PSMD12: variants seen among roughly 807,000 people sequenced by gnomAD.
PSMD12 encodes 26S proteasome non-ATPase regulatory subunit 12.
A neutral mutation model predicts 62.9 loss-of-function variants in PSMD12; 8 were observed. The ratio of observed to expected loss-of-function variants is 0.13; its 90% CI spans 0.07 to 0.23. The LOEUF is 0.23. Among genes scored for constraint, PSMD12 ranks in the 10% least tolerant of loss-of-function variants. PSMD12 has a pLI of 1.00. For missense variants in PSMD12, 424 were observed against 550.2 expected, an observed-to-expected ratio of 0.77 and a Z score of 2.29; for synonymous variants, 173 against 187.4, an observed-to-expected ratio of 0.92 and a Z score of 0.63.
intron 1 of PSMD12, among the ~76,000 whole-genome samples, chr17:67,360,115 G>A (rs904457667): frequency 3.9e-5 from 6 of 151,952 alleles, no homozygotes; most frequent in Non-Finnish European, 8.8e-5. Flanking sequence ...CTCACCTTTC[G>A]CTTTGATCAA....
chr17:67,353,109 C>T (rs1331804435), intron 3 of PSMD12, among the ~76,000 whole-genome samples: 1 of 152,062 alleles, frequency 6.6e-6, no homozygotes, highest in African/African-American at 2.4e-5. Context: ...AATACGCTAA[C>T]AATGCAATGG....
intron 9 of PSMD12, chr17:67,342,518 T>C (rs887214379): frequency 7.4e-6 from 2 of 270,578 alleles, no homozygotes; most frequent in East Asian, 1.4e-4. Flanking sequence ...AGTCAAAATA[T>C]ATGCCTGTCT....
Position 67,362,581 on chromosome 17 carries a change from G to A in PSMD12, c.108+3831C>T, listed in dbSNP as rs147890688. Among the ~76,000 whole-genome samples, 221 of 149,236 alleles carry A rather than the reference G, an allele frequency of 1.5e-3. 1 individual carries two copies. Among genetic ancestry groups the A allele is most frequent in the African/African-American group, 5.2e-3 (210 of 40,402 alleles). Reference sequence around the variant, plus strand: ...GGACGCCGAGGCAGGAGAATTCCTTGAACCCGGGAGATGGAGGTTGCAGTG... The same window carrying A: ...GGACGCCGAGGCAGGAGAATTCCTTAAACCCGGGAGATGGAGGTTGCAGTG... On this transcript the variant is annotated intron_variant, in intron 1 of 10. Coordinates refer to ENST00000356126, the MANE Select transcript of PSMD12 (RefSeq NM_002816.5).
Position 67,339,737 on chromosome 17 carries a change from G to GT in PSMD12, c.*1105dup, listed in dbSNP as rs1353415041. On this transcript the variant is annotated 3_prime_UTR_variant, in exon 11 of 11. Coordinates refer to ENST00000356126, the MANE Select transcript of PSMD12 (RefSeq NM_002816.5). ...TCATTTTAAATAACCTTCTAACATTGTTTTTTCTATTTTCTCTGAAATAAA... is the reference window on the plus strand; with the variant it reads ...TCATTTTAAATAACCTTCTAACATTGTTTTTTTCTATTTTCTCTGAAATAAA... 6.6e-6 allele frequency: 1 copy of GT among 151,816 alleles called. No individual in the cohort carries two copies. Among genetic ancestry groups the GT allele is most frequent in the East Asian group, 1.9e-4 (1 of 5,190 alleles). 9.4% of individuals were successfully genotyped at this position (151,816 alleles called of 1,614,324 possible).
Position 67,347,339 on chromosome 17 carries a change from T to C in PSMD12, c.657A>G (p.Thr219=). 6.2e-7 allele frequency: 1 copy of C among 1,613,794 alleles called. No individual in the cohort carries two copies. The highest frequency in any genetic ancestry group is 8.5e-7 in the Non-Finnish European group (1 of 1,179,898). Residue 219 remains threonine, a synonymous_variant, in exon 6 of 11, where the codon ACA becomes ACG. Transcript: ENST00000356126. ...ATGTGGTCACAGATATGCTCACCTC[T>C]GTATTTTCTTCCTGGAAAAATTTGG... ...INTKFFQEEN[T]EKLKLKYYNL...
chr17:67,362,572 G>C (rs57672368), intron 1 of PSMD12, among the ~76,000 whole-genome samples: 36,515 of 146,190 alleles, frequency 0.25, 4,603 homozygotes, highest in Middle Eastern at 0.32. Context: ...CGAGGCAGGA[G>C]AATTCCTTGA....
At chr17:67,353,500 T>TGC (rs1381784884) in intron 3 of PSMD12, among the ~76,000 whole-genome samples, 1 of 151,930 alleles carries the variant, frequency 6.6e-6, no homozygotes, top group Non-Finnish European at 1.5e-5. Context: ...AGGGACAGGG[T>TGC]TTCGCCATGT....
rs142534602 is a variant in PSMD12 at position 67,349,467 on chromosome 17, C to T, written c.405+762G>A. 3.1e-3 allele frequency among the ~76,000 whole-genome samples: 467 copies of T among 152,234 alleles called. 2 individuals carry two copies. Among genetic ancestry groups the T allele is most frequent in the Non-Finnish European group, 5.1e-3 (349 of 68,022 alleles). ...GAAAATGTCTCTATAAAACCTTATC[C>T]ATATTTTGTAACTCTGCTTTGAGAA... On this transcript the variant is annotated intron_variant, in intron 4 of 10. Transcript: ENST00000356126.
At chr17:67,348,209 C>G (rs888505898) in intron 5 of PSMD12, among the ~76,000 whole-genome samples, 2 of 152,170 alleles carry the variant, frequency 1.3e-5, no homozygotes, top group African/African-American at 4.8e-5. Flanking sequence ...AAACTGTTTT[C>G]CAGACTGGCT....
chr17:67,356,583 A>G (rs1273910039), intron 3 of PSMD12, among the ~76,000 whole-genome samples: 25 of 147,200 alleles, frequency 1.7e-4, no homozygotes, highest in African/African-American at 6.2e-4. Flanking sequence ...AAAAAAAAAA[A>G]AAAGAAAATG....
At chr17:67,342,067 C>T in intron 10 of PSMD12, 119 bp downstream of exon 10, 1 of 764,374 alleles carries the variant, frequency 1.3e-6, no homozygotes, top group East Asian at 2.6e-5. Context: ...GCTTGGGAAA[C>T]TATTACTCTA....
rs150333782 is a variant in PSMD12, at chr17:67,357,316, C to T, written c.284G>A (p.Ser95Asn). ...ENIMLLSKRRSQLKQAVAKMV... is the reference protein window; with the variant it reads ...ENIMLLSKRRNQLKQAVAKMV... ...TCATGAACTCACTTGTTTTAACTGA[C>T]TCCGCCTTTTGGACAAAAGCATAAT... is the stretch of plus-strand genomic sequence containing the variant. Residue 95 changes from serine (S) to asparagine (N), a missense_variant, in exon 3 of 11, where the codon AGT becomes AAT. By Grantham distance (46) the Ser-to-Asn change is conservative (BLOSUM62 1). Coordinates refer to ENST00000356126, the MANE Select transcript of PSMD12 (RefSeq NM_002816.5). The T allele has an allele frequency of 6.2e-7, 1 of 1,612,266 alleles. No homozygotes were observed. The highest frequency in any genetic ancestry group is 1.3e-5 in the African/African-American group (1 of 74,868).
intron 2 of PSMD12, 36 bp downstream of exon 2, chr17:67,357,483 T>C: frequency 6.2e-7 from 1 of 1,612,826 alleles, no homozygotes; most frequent in Non-Finnish European, 8.5e-7. Context: ...TCAATGAAAT[T>C]AATGGTAACT....
intron 3 of PSMD12, chr17:67,355,477 T>C (rs1376827741): frequency 1.3e-5 from 2 of 152,202 alleles, no homozygotes; most frequent in Non-Finnish European, 2.9e-5. Flanking sequence ...CAAAAAATAA[T>C]TTAACCCACT....
intron 1 of PSMD12, among the ~76,000 whole-genome samples, chr17:67,359,748 CT>C (rs2042112614): frequency 6.6e-6 from 1 of 152,006 alleles, no homozygotes. Context: ...ACAACGTTTC[CT>C]GTTTGGAGAG....
chr17:67,357,613 C>A (rs753624578), intron 1 of PSMD12, 35 bp from the exon 2 acceptor site: 1 of 1,583,118 alleles, frequency 6.3e-7, no homozygotes, highest in Non-Finnish European at 8.7e-7. Context: ...AATAAAAAAA[C>A]ACACAAAATG....
At position 67,348,648 on chromosome 17, in the gene PSMD12, C is replaced by A; in HGVS notation, c.412G>T (p.Val138Phe). ...LRMVTEGKIY[V>F]EIERARLTKT... ...GTCAGTCGCGCACGCTCAATTTCAA[C>A]ATAAATCTACAAATGAGAAATTTAC... The change falls in exon 5 of 11, where the codon GTT becomes TTT. Residue 138 changes from valine (V) to phenylalanine (F), a missense_variant. Val to Phe is a conservative substitution (Grantham distance 50). Coordinates refer to ENST00000356126, the MANE Select transcript of PSMD12 (RefSeq NM_002816.5). 1 of 1,606,246 alleles carries A rather than the reference C, an allele frequency of 6.2e-7. No individual in the cohort carries two copies. Among genetic ancestry groups the A allele is most frequent in the Non-Finnish European group, 8.5e-7 (1 of 1,177,864 alleles).
chr17:67,366,456 C>T lies in PSMD12; in HGVS notation c.64G>A (p.Ala22Thr). 1.9e-6 allele frequency: 3 copies of T among 1,612,348 alleles called. No homozygotes were observed. The highest frequency in any genetic ancestry group is 2.5e-6 in the Non-Finnish European group (3 of 1,179,450). ...TCGGGTAGGCGCTGATCCACCGTGG[C>T]GCTGTAGTCCACCTCCATCTTGACG... ...RIVKMEVDYS[A>T]TVDQRLPECA... The change falls in exon 1 of 11, where the codon GCC becomes ACC. Residue 22 changes from alanine to threonine, a missense_variant. Physicochemically the swap from Ala to Thr is moderately conservative, Grantham distance 58. Transcript: ENST00000356126.
chr17:67,345,088 G>A (rs2041952001), intron 8 of PSMD12, among the ~76,000 whole-genome samples: 1 of 152,136 alleles, frequency 6.6e-6, no homozygotes, highest in Admixed American at 6.6e-5. Context: ...GATGAAGCAA[G>A]TCTATTTTAT....
Sources: gnomAD v4.1 joint callset for allele counts (sites outside exome capture counted in the v4.1 genomes callset) on GRCh38, gnomAD v4.1.1 for gene constraint, MANE v1.5 for transcripts, NCBI Gene and HGNC (gene_info 2026-07-23, HGNC 2026-07-21) for gene names.